Variants in PKD2L2 observed in about 807,000 individuals in gnomAD.
PKD2L2 encodes the protein polycystin 2 like 2, transient receptor potential cation channel.
Under a neutral mutation model 83.9 loss-of-function variants are expected in PKD2L2, and 67 were observed. The observed-to-expected ratio is 0.80, with a 90% CI of 0.66 to 0.98. The LOEUF is 0.98. PKD2L2 is among the 50% of genes least tolerant of loss of function. PKD2L2 has a pLI of 0.00. For synonymous variants in PKD2L2, 223 were observed against 237.8 expected (o/e 0.94, Z 0.57); for missense variants, 632 against 717.2 (o/e 0.88, Z 1.36).
rs1227745662 is a variant in PKD2L2, at chr5:137,899,703, T to C, written c.712T>C (p.Tyr238His). 17 of 1,608,814 alleles carry C rather than the reference T, an allele frequency of 1.1e-5. No homozygotes were observed. Among genetic ancestry groups the C allele is most frequent in the Non-Finnish European group, 1.4e-5 (16 of 1,175,542 alleles). The change falls in exon 5 of 15, where the codon TAT (tyrosine) becomes CAT (histidine). Residue 238 changes from tyrosine to histidine, a missense_variant. By Grantham distance (83) the Tyr-to-His change is moderately conservative. Transcript: ENST00000508883. ...AGTTATTTTTATTGATTTTTCCTTA[T>C]ATAATGCTAATGTAAATCTATTTTG... ...TRVIFIDFSL[Y>H]NANVNLFCII...
intron 8 of PKD2L2, among the ~76,000 whole-genome samples, chr5:137,911,492 G>A (rs1028002438): frequency 2.0e-5 from 3 of 152,118 alleles, no homozygotes; most frequent in Non-Finnish European, 4.4e-5. Flanking sequence ...ATACCCAGAA[G>A]TAGAATTGCT....
chr5:137,898,322 G>A (rs920482561), intron 4 of PKD2L2, among the ~76,000 whole-genome samples: 11 of 152,062 alleles, frequency 7.2e-5, no homozygotes, highest in South Asian at 4.1e-4. Context: ...AAATATCTAC[G>A]TAACAACATG....
chr5:137,904,200 G>C (rs1192728468), intron 5 of PKD2L2, among the ~76,000 whole-genome samples: 1 of 152,168 alleles, frequency 6.6e-6, no homozygotes, highest in Admixed American at 6.6e-5. Flanking sequence ...ATATATAGTT[G>C]ATCTTCAAAC....
rs1457387013 is a variant in PKD2L2 at position 137,942,446 on chromosome 5, CCAAA to C, written c.*83_*86del. ...GGTGCGACAGTGGCCTCAACATCCT[CCAAA>C]CAGAGAATCAAGTGATCCTCTTGCC... On this transcript the variant is annotated 3_prime_UTR_variant, in exon 15 of 15. Transcript: ENST00000508883. 9.3e-6 allele frequency: 2 copies of C among 215,974 alleles called. No homozygotes were observed. The highest frequency in any genetic ancestry group is 4.6e-5 in the African/African-American group (2 of 43,052). The allele number at this position is 215,974 out of a possible 1,614,324, so 13.4% of individuals were successfully genotyped here.
At chr5:137,895,266 G>A (rs563750203) in intron 4 of PKD2L2, among the ~76,000 whole-genome samples, 1 of 152,018 alleles carries the variant, frequency 6.6e-6, no homozygotes, top group Non-Finnish European at 1.5e-5. Flanking sequence ...GCAGGAGTTC[G>A]AGACTAGTCT....
chr5:137,918,792 G>C lies in PKD2L2; in HGVS notation c.1329-2844G>C, dbSNP rs184089359. Reference sequence around the variant, plus strand: ...CTGCCCATGTAATTGTTGTCTAGATGGGGACAGGGGAGAAATAAGTTTCCC... The same window carrying C: ...CTGCCCATGTAATTGTTGTCTAGATCGGGACAGGGGAGAAATAAGTTTCCC... On this transcript the variant is annotated intron_variant, in intron 8 of 14. Transcript: ENST00000508883. Among the ~76,000 whole-genome samples the C allele has an allele frequency of 3.3e-5, 5 of 152,204 alleles. No homozygotes were observed. The East Asian group carries it at 7.7e-4, about 23-fold the overall frequency.
intron 8 of PKD2L2, among the ~76,000 whole-genome samples, chr5:137,916,791 T>C (rs560889116): frequency 8.5e-5 from 13 of 152,250 alleles, no homozygotes; most frequent in African/African-American, 2.9e-4. Flanking sequence ...CCTTTTTTTT[T>C]CTTTTAGCAC....
chr5:137,900,950 C>A (rs1335790812), intron 5 of PKD2L2, among the ~76,000 whole-genome samples: 1 of 151,936 alleles, frequency 6.6e-6, no homozygotes, highest in Non-Finnish European at 1.5e-5. Flanking sequence ...TCAGCCTGAC[C>A]AACATGGAGG....
rs1414266858 is a variant in PKD2L2, at chr5:137,897,038, ATTAT to A, written c.524+2431_524+2434del. Reference sequence around the variant, plus strand: ...AAGTATGATGATACATTATTATATTATTATTATTATTATTATTATTATTATTATT... The same window carrying A: ...AAGTATGATGATACATTATTATATTATATTATTATTATTATTATTATTATT... On this transcript the variant is annotated intron_variant, in intron 4 of 14. Coordinates refer to ENST00000508883, the MANE Select transcript of PKD2L2 (RefSeq NM_001300921.2). Among the ~76,000 whole-genome samples, 190 of 39,454 alleles carry A rather than the reference ATTAT, an allele frequency of 4.8e-3. 4 individuals are homozygous for A. The highest frequency in any genetic ancestry group is 0.044 in the Middle Eastern group (3 of 68). The allele number at this position is 39,454 out of a possible 152,430, so 25.9% of individuals were successfully genotyped here. A position where few individuals can be genotyped will look rare whatever the true frequency, so the allele number is the denominator to read the frequency against.
chr5:137,914,420 A>G (rs1071022), intron 8 of PKD2L2, among the ~76,000 whole-genome samples: 149,277 of 152,242 alleles, frequency 0.98, 73,256 homozygotes, highest in Middle Eastern at 1. Flanking sequence ...ATCCCAAATC[A>G]AAACACTTCT....
At chr5:137,916,023 C>A (rs1580948233) in intron 8 of PKD2L2, among the ~76,000 whole-genome samples, 1 of 62,806 alleles carries the variant, frequency 1.6e-5, no homozygotes, top group Non-Finnish European at 4.1e-5. Flanking sequence ...TGTATACACA[C>A]ATTTTTTTTT....
chr5:137,893,258 A>G (rs1025737826), intron 3 of PKD2L2, among the ~76,000 whole-genome samples: 1 of 152,144 alleles, frequency 6.6e-6, no homozygotes, highest in African/African-American at 2.4e-5. Context: ...TACTGTTTAT[A>G]TGTGTTACAG....
rs2150115972 is a variant in PKD2L2, at chr5:137,942,609, T to G, written c.*243T>G. 2.6e-6 allele frequency: 1 copy of G among 379,756 alleles called. No homozygotes were observed. The highest frequency in any genetic ancestry group is 4.7e-6 in the Non-Finnish European group (1 of 213,706). 23.5% of individuals were successfully genotyped at this position (379,756 alleles called of 1,614,324 possible). On this transcript the variant is annotated 3_prime_UTR_variant, in exon 15 of 15. Coordinates refer to ENST00000508883, the MANE Select transcript of PKD2L2 (RefSeq NM_001300921.2). ...AACTCCTGGCCTCAAGGGATCCTCC[T>G]GCCTCAGCTTCAAAAACTGCTGGGA...
At chr5:137,893,302 G>A (rs889607427) in intron 3 of PKD2L2, among the ~76,000 whole-genome samples, 11 of 152,034 alleles carry the variant, frequency 7.2e-5, no homozygotes, top group Non-Finnish European at 1.5e-4. Flanking sequence ...TTATATATAA[G>A]AATATAATTT....
chr5:137,919,256 G>A (rs1758671340), intron 8 of PKD2L2, among the ~76,000 whole-genome samples: 1 of 152,136 alleles, frequency 6.6e-6, no homozygotes. Flanking sequence ...TGTATGTTGA[G>A]GCGTCATGGT....
intron 12 of PKD2L2, among the ~76,000 whole-genome samples, chr5:137,931,492 T>C (rs923213609): frequency 3.3e-5 from 5 of 152,212 alleles, no homozygotes; most frequent in African/African-American, 7.2e-5. Context: ...AAGATTCAGA[T>C]AGTATTTATT....
At chr5:137,936,268 T>A in intron 13 of PKD2L2, 52 bp from the exon 14 acceptor site, 2 of 1,472,936 alleles carry the variant, frequency 1.4e-6, no homozygotes, top group Non-Finnish European at 1.8e-6. Context: ...TTGCTGTCTA[T>A]ACATGAAAGT....
Position 137,894,516 on chromosome 5 carries a change from A to T in PKD2L2, c.431A>T (p.Tyr144Phe), listed in dbSNP as rs778892026. 6.8e-6 allele frequency: 11 copies of T among 1,613,442 alleles called. No individual in the cohort carries two copies. The African/African-American group carries it at 8.0e-5, about 12-fold the overall frequency. ...GTCCGCAACAACACATGCAAAGTCTATTCATCTTTTCAGTCTTTGATGAGT... is the reference window on the plus strand; with the variant it reads ...GTCCGCAACAACACATGCAAAGTCTTTTCATCTTTTCAGTCTTTGATGAGT... ...LKVRNNTCKV[Y>F]SSFQSLMSEC... Residue 144 changes from tyrosine (Y) to phenylalanine (F), a missense_variant, in exon 4 of 15, where the codon TAT becomes TTT. This residue lies in a region of PKD2L2 where 229 missense variants were observed against 281.5 expected (regional missense o/e 0.81). Coordinates refer to ENST00000508883, the MANE Select transcript of PKD2L2 (RefSeq NM_001300921.2).
At chr5:137,923,612 G>A in intron 10 of PKD2L2, 91 bp downstream of exon 10, 1 of 741,128 alleles carries the variant, frequency 1.3e-6, no homozygotes, top group Non-Finnish European at 2.5e-6. Flanking sequence ...ATTCCAAGTG[G>A]TCGTGCTCTC....
Sources: gnomAD v4.1 joint callset for allele counts (sites outside exome capture counted in the v4.1 genomes callset) on GRCh38, gnomAD v4.1.1 for gene constraint, gnomAD v4.1.1 regional missense constraint, MANE v1.5 for transcripts, NCBI Gene and HGNC (gene_info 2026-07-23, HGNC 2026-07-21) for gene names.